Variants in NTAQ1 observed in about 807,000 individuals in gnomAD.
NTAQ1 encodes N-terminal glutamine amidase 1.
NTAQ1 carries 21 observed loss-of-function variants against 28.2 expected under a neutral mutation model. That is an observed-to-expected ratio of 0.74 (90% CI 0.53 to 1.07). The LOEUF (loss-of-function observed/expected upper bound fraction) is 1.07, where lower values mean the gene tolerates loss of function less well. NTAQ1 is among the 50% of genes least tolerant of loss of function. The pLI, the probability that NTAQ1 is intolerant of heterozygous loss-of-function variation, is 0.00. For synonymous variants in NTAQ1, 105 were observed against 90.0 expected (o/e 1.17, Z -0.94); for missense variants, 264 against 256.6 (o/e 1.03, Z -0.20).
exon 7 of NTAQ1, among the ~76,000 whole-genome samples, chr8:123,468,451 G>T (rs1359708033): frequency 1.3e-5 from 2 of 152,076 alleles, no homozygotes; most frequent in Non-Finnish European, 2.9e-5. Context: ...CCTCGTATAC[G>T]TGGAATCATA....
At chr8:123,461,186 G>T (rs1422005141) in intron 6 of NTAQ1, among the ~76,000 whole-genome samples, 2 of 152,146 alleles carry the variant, frequency 1.3e-5, no homozygotes, top group Non-Finnish European at 2.9e-5. Flanking sequence ...AAGTGGCTTA[G>T]CTTTCTTGCT....
intron 2 of NTAQ1, 99 bp from the exon 3 acceptor site, chr8:123,429,879 CAAAAA>C: frequency 4.2e-5 from 14 of 335,310 alleles, no homozygotes; most frequent in Admixed American, 6.9e-5. Context: ...GACTCTGTCT[CAAAAA>C]AAAAAAAAAA....
intron 2 of NTAQ1, among the ~76,000 whole-genome samples, chr8:123,428,584 T>TTTTG (rs536074284): frequency 1.3e-5 from 2 of 151,748 alleles, no homozygotes; most frequent in Admixed American, 6.6e-5. Context: ...ACCTGTTTTT[T>TTTTG]TTTGTTTGTT....
chr8:123,471,905 C>T (rs1056476601), downstream of NTAQ1, among the ~76,000 whole-genome samples: 5 of 152,124 alleles, frequency 3.3e-5, no homozygotes, highest in African/African-American at 9.7e-5. Context: ...TAAGTTGACA[C>T]GTAAAATTAA....
chr8:123,469,559 C>G (rs2891752), exon 7 of NTAQ1, among the ~76,000 whole-genome samples: 1 of 152,090 alleles, frequency 6.6e-6, no homozygotes, highest in Non-Finnish European at 1.5e-5. Context: ...CAGAATTCTT[C>G]TTTTATAAGA....
intron 5 of NTAQ1, among the ~76,000 whole-genome samples, chr8:123,440,409 G>A (rs571231025): frequency 2.0e-5 from 3 of 151,526 alleles, no homozygotes; most frequent in Non-Finnish European, 4.4e-5. Flanking sequence ...ACCCCTCTTA[G>A]CTTCCCAAAG....
chr8:123,437,123 T>C, intron 4 of NTAQ1, 87 bp from the exon 5 acceptor site: 2 of 1,539,526 alleles, frequency 1.3e-6, no homozygotes, highest in Non-Finnish European at 1.8e-6. Flanking sequence ...TTTGTGCATG[T>C]CATAGGAAAT....
At chr8:123,434,619 T>C (rs2130278221) in intron 3 of NTAQ1, among the ~76,000 whole-genome samples, 1 of 152,228 alleles carries the variant, frequency 6.6e-6, no homozygotes, top group Admixed American at 6.6e-5. Context: ...AGAGAGACTC[T>C]GTCTCAAAAC....
intron 6 of NTAQ1, among the ~76,000 whole-genome samples, chr8:123,460,831 A>G (rs1815801824): frequency 6.6e-6 from 1 of 152,118 alleles, no homozygotes; most frequent in Non-Finnish European, 1.5e-5. Context: ...TGGAGTTTGT[A>G]TTGGCTGAAC....
chr8:123,450,733 A>G (rs1360523532), downstream of NTAQ1, among the ~76,000 whole-genome samples: 1 of 150,752 alleles, frequency 6.6e-6, no homozygotes, highest in Non-Finnish European at 1.5e-5. Flanking sequence ...CATCCAGGTC[A>G]TGGGGAAGCC....
At chr8:123,450,176 T>C (rs984208929), downstream of NTAQ1, among the ~76,000 whole-genome samples, 1 of 150,656 alleles carries the variant, frequency 6.6e-6, no homozygotes, top group African/African-American at 2.4e-5. Context: ...ACAGATGGAA[T>C]GGTCATGGAG....
At chr8:123,458,212 A>C (rs1436811012) in intron 6 of NTAQ1, among the ~76,000 whole-genome samples, 2 of 146,744 alleles carry the variant, frequency 1.4e-5, no homozygotes, top group African/African-American at 5.0e-5. Flanking sequence ...CTGGGACTAC[A>C]GGCATGAGCC....
chr8:123,423,871 T>C (rs1813874383), intron 1 of NTAQ1, among the ~76,000 whole-genome samples: 1 of 62,978 alleles, frequency 1.6e-5, no homozygotes, highest in Non-Finnish European at 3.3e-5. Flanking sequence ...TTTGTAGTTT[T>C]TATTATTATT....
intron 1 of NTAQ1, among the ~76,000 whole-genome samples, chr8:123,421,849 C>CA (rs1586926719): frequency 6.7e-6 from 1 of 148,730 alleles, no homozygotes; most frequent in East Asian, 1.9e-4. Flanking sequence ...CCACCACACC[C>CA]GGCTAATTTT....
At chr8:123,439,221 C>T (rs975364475) in intron 5 of NTAQ1, among the ~76,000 whole-genome samples, 1 of 152,062 alleles carries the variant, frequency 6.6e-6, no homozygotes, top group Non-Finnish European at 1.5e-5. Context: ...TCTTGTTGCC[C>T]AGGCTGGAGT....
downstream of NTAQ1, among the ~76,000 whole-genome samples, chr8:123,449,854 C>T (rs1448779932): frequency 1.3e-5 from 1 of 77,648 alleles, no homozygotes; most frequent in Non-Finnish European, 2.4e-5. Context: ...CTCTGGCTCG[C>T]TGCTTTCTCT....
At chr8:123,448,248 G>A (rs576065475), downstream of NTAQ1, 1 of 152,312 alleles carries the variant, frequency 6.6e-6, no homozygotes, top group South Asian at 2.1e-4. Context: ...TGGCCATTTA[G>A]TCCTCCCTAA....
chr8:123,445,957 C>CTCTTT (rs1815263778), downstream of NTAQ1, among the ~76,000 whole-genome samples: 2 of 144,422 alleles, frequency 1.4e-5, no homozygotes, highest in Admixed American at 1.4e-4. Context: ...CAAATCCATT[C>CTCTTT]TCTTTTCTTT....
At chr8:123,440,058 G>C (rs1336494832) in intron 5 of NTAQ1, among the ~76,000 whole-genome samples, 1 of 150,072 alleles carries the variant, frequency 6.7e-6, no homozygotes, top group African/African-American at 2.5e-5. Context: ...TTTTAATCAA[G>C]GTAGGGTCTC....
Sources: allele counts gnomAD v4.1 joint callset (sites outside exome capture counted in the v4.1 genomes callset), GRCh38; gene constraint gnomAD v4.1.1; transcripts MANE v1.5; gene names NCBI Gene and HGNC (gene_info 2026-07-23, HGNC 2026-07-21).